Variants in HDAC4 observed in about 807,000 individuals in gnomAD.
HDAC4 encodes the protein histone deacetylase 4, also known as histone deacetylase A.
In HDAC4, 16 loss-of-function variants were observed where a neutral mutation model predicts 135.1. The ratio of observed to expected loss-of-function variants is 0.12; its 90% CI spans 0.08 to 0.18. The LOEUF (loss-of-function observed/expected upper bound fraction) is 0.18, where lower values mean the gene tolerates loss of function less well. Among genes scored for constraint, HDAC4 ranks in the 10% least tolerant of loss-of-function variants. HDAC4 has a pLI of 1.00. For synonymous variants in HDAC4, 685 were observed against 653.4 expected, an observed-to-expected ratio of 1.05 and a Z score of -0.74; for missense variants, 1,143 against 1,511.8, an observed-to-expected ratio of 0.76 and a Z score of 4.05.
chr2:239,084,475 A>T (rs971451330), intron 19 of HDAC4, among the ~76,000 whole-genome samples: 1 of 151,142 alleles, frequency 6.6e-6, no homozygotes, highest in Admixed American at 6.6e-5. Flanking sequence ...GCACACACAC[A>T]CACACACACA....
At chr2:239,268,366 G>T (rs185311257) in intron 2 of HDAC4, among the ~76,000 whole-genome samples, 315 of 152,386 alleles carry the variant, frequency 2.1e-3, no homozygotes, top group Non-Finnish European at 3.3e-3. Context: ...AGAGATCAGA[G>T]ATTAGACTTG....
At chr2:239,257,810 C>G (rs1010568629) in intron 2 of HDAC4, among the ~76,000 whole-genome samples, 1 of 152,122 alleles carries the variant, frequency 6.6e-6, no homozygotes. Flanking sequence ...CACACTTACA[C>G]ATTCACATAT....
intron 1 of HDAC4, among the ~76,000 whole-genome samples, chr2:239,359,148 T>A (rs777073144): frequency 3.3e-5 from 5 of 152,224 alleles, no homozygotes; most frequent in Non-Finnish European, 7.3e-5. Flanking sequence ...AAAACAAAGC[T>A]TTTATATTAT....
intron 24 of HDAC4, among the ~76,000 whole-genome samples, chr2:239,064,123 G>A (rs567129394): frequency 2.0e-5 from 3 of 152,198 alleles, no homozygotes; most frequent in Admixed American, 1.3e-4. Context: ...CACAGCTGAC[G>A]CGCACCGCCC....
chr2:239,094,209 C>T (rs551880411), intron 17 of HDAC4: 10 of 985,460 alleles, frequency 1.0e-5, no homozygotes, highest in South Asian at 4.7e-5. Flanking sequence ...TCGGACGCTC[C>T]GCCTCAGCTT....
intron 1 of HDAC4, among the ~76,000 whole-genome samples, chr2:239,365,929 G>A (rs13000338): frequency 0.024 from 3,570 of 151,612 alleles, 61 homozygotes; most frequent in Middle Eastern, 0.075. Context: ...TCAGGGTCAC[G>A]CGTGTGGCAC....
At chr2:239,334,294 C>T (rs1179196042) in intron 2 of HDAC4, among the ~76,000 whole-genome samples, 4 of 151,010 alleles carry the variant, frequency 2.6e-5, no homozygotes, top group South Asian at 2.1e-4. Context: ...CCGAGGAGGA[C>T]GGATTGCTTG....
intron 5 of HDAC4, among the ~76,000 whole-genome samples, chr2:239,172,662 A>G (rs1392207158): frequency 6.6e-6 from 1 of 152,148 alleles, no homozygotes. Flanking sequence ...AATTAATGAA[A>G]TCGATATTCA....
At chr2:239,202,728 G>T (rs1033741154) in intron 3 of HDAC4, among the ~76,000 whole-genome samples, 2 of 151,976 alleles carry the variant, frequency 1.3e-5, no homozygotes, top group African/African-American at 4.8e-5. Flanking sequence ...CCTCGATGGA[G>T]CTGTACCCCC....
At chr2:239,209,647 GACGTTGTT>G (rs1170752702) in intron 3 of HDAC4, among the ~76,000 whole-genome samples, 1 of 152,192 alleles carries the variant, frequency 6.6e-6, no homozygotes, top group African/African-American at 2.4e-5. Context: ...GACAAAATAT[GACGTTGTT>G]ACATCTGACT....
chr2:239,206,572 A>C (rs1181890362), intron 3 of HDAC4, among the ~76,000 whole-genome samples: 2 of 152,140 alleles, frequency 1.3e-5, no homozygotes, highest in African/African-American at 4.8e-5. Context: ...ATGACATGAC[A>C]GGGCTAAAAT....
At chr2:239,286,518 C>G (rs1258679527) in intron 2 of HDAC4, among the ~76,000 whole-genome samples, 1 of 150,788 alleles carries the variant, frequency 6.6e-6, no homozygotes, top group Non-Finnish European at 1.5e-5. Context: ...CTCTGCAGGA[C>G]TGGGAAGGAA....
intron 3 of HDAC4, among the ~76,000 whole-genome samples, chr2:239,205,607 G>C (rs1423940865): frequency 6.6e-6 from 1 of 152,036 alleles, no homozygotes; most frequent in Non-Finnish European, 1.5e-5. Context: ...GAAAAGGTGA[G>C]CAAAGAACTG....
At chr2:239,288,055 T>A (rs1287410575) in intron 2 of HDAC4, among the ~76,000 whole-genome samples, 2 of 139,666 alleles carry the variant, frequency 1.4e-5, no homozygotes, top group Admixed American at 7.2e-5. Flanking sequence ...AAATAAACTA[T>A]CCCTGTAAGT....
intron 3 of HDAC4, among the ~76,000 whole-genome samples, chr2:239,233,212 G>A (rs892578801): frequency 2.0e-5 from 3 of 152,180 alleles, no homozygotes; most frequent in African/African-American, 7.2e-5. Context: ...AAAGTCTACA[G>A]ATAAAAAGTT....
rs764365687 is a variant in HDAC4, at chr2:239,190,083, G to A, written c.95-6C>T. On this transcript the variant is annotated splice_polypyrimidine_tract_variant and splice_region_variant and intron_variant, in intron 3 of 26. Coordinates refer to ENST00000543185, the MANE Select transcript of HDAC4 (RefSeq NM_001378414.1). ...CAGCGCCGTGGCCACATCCACTGTG[G>A]GAAAAACAAGCAGGAGAGCCGGTCA... The A allele has an allele frequency of 6.3e-7, 1 of 1,594,932 alleles. No homozygotes were observed. Among genetic ancestry groups the A allele is most frequent in the Non-Finnish European group, 8.5e-7 (1 of 1,177,072 alleles).
In HDAC4 at chr2:239,213,071, G is replaced by A. The variant is rs571666431; in HGVS notation, c.95-22994C>T. ...AATCGCCCAGGAAAACGCAAAGCTG[G>A]AGGAGGTGTGGCATCTGGGTTGCTC... On this transcript the variant is annotated intron_variant, in intron 3 of 26. Coordinates refer to ENST00000543185, the MANE Select transcript of HDAC4 (RefSeq NM_001378414.1). Among the ~76,000 whole-genome samples, 3 of 152,306 alleles carry A rather than the reference G, an allele frequency of 2.0e-5. No individual in the cohort carries two copies. The South Asian group carries it at 6.2e-4, about 32-fold the overall frequency.
chr2:239,356,579 T>C (rs1230679176), intron 1 of HDAC4, among the ~76,000 whole-genome samples: 1 of 152,176 alleles, frequency 6.6e-6, no homozygotes, highest in Non-Finnish European at 1.5e-5. Flanking sequence ...CAAATGTATA[T>C]CACATAACTA....
intron 22 of HDAC4, among the ~76,000 whole-genome samples, chr2:239,075,620 C>T (rs771572735): frequency 6.6e-5 from 10 of 152,222 alleles, no homozygotes; most frequent in African/African-American, 1.2e-4. Context: ...GGCTTCTCCT[C>T]GCGGTGGCCT....
Sources: gnomAD v4.1 joint callset for allele counts (sites outside exome capture counted in the v4.1 genomes callset) on GRCh38, gnomAD v4.1.1 for gene constraint, MANE v1.5 for transcripts, NCBI Gene and HGNC (gene_info 2026-07-23, HGNC 2026-07-21) for gene names.